The following ACTR1B variants were observed in gnomAD, a reference collection of about 807,000 sequenced individuals.
ACTR1B encodes the protein beta-centractin.
A neutral mutation model predicts 49.4 loss-of-function variants in ACTR1B; 34 were observed. The observed-to-expected ratio is 0.69, with a 90% confidence interval of 0.52 to 0.92. The LOEUF (loss-of-function observed/expected upper bound fraction) is 0.92. Among genes scored for constraint, ACTR1B ranks in the 40% least tolerant of loss-of-function variants. The probability of loss-of-function intolerance (pLI) is 0.00; values close to 1 mark genes in which losing one functional copy is unlikely to be tolerated. For missense variants in ACTR1B, 471 were observed against 522.4 expected, an observed-to-expected ratio of 0.90 and a Z score of 0.96; for synonymous variants, 207 against 207.8, an observed-to-expected ratio of 1.00 and a Z score of 0.03.
chr2:97,658,319 G>T lies in ACTR1B; in HGVS notation c.658-3C>A, dbSNP rs752709465. 4 of 1,614,192 alleles carry T rather than the reference G, an allele frequency of 2.5e-6. No individual in the cohort carries two copies. The highest frequency in any genetic ancestry group is 2.5e-6 in the Non-Finnish European group (3 of 1,180,026). ...TTGATGGACAGGTAGCACGCTCGCTGCGGGGACAGGGACACAGCCCTCAGA... is the reference window on the plus strand; with the variant it reads ...TTGATGGACAGGTAGCACGCTCGCTTCGGGGACAGGGACACAGCCCTCAGA... On this transcript the variant is annotated splice_region_variant and splice_polypyrimidine_tract_variant and intron_variant, in intron 6 of 10. Transcript: ENST00000289228. This position sits in a 1 kb window ranked among gnomAD's most constrained non-coding sequence, Gnocchi z 5.9.
rs1002580055 is a variant in ACTR1B, at chr2:97,658,167, C to T, written c.751-50G>A. On this transcript the variant is annotated intron_variant, in intron 7 of 10. Transcript: ENST00000289228. This position sits in a 1 kb window ranked among gnomAD's most constrained non-coding sequence, Gnocchi z 5.9. The stretch of plus-strand genomic sequence containing the variant: ...ACAGGCTTCCTGGAGAAGCGGGCTA[C>T]CCCTTCCCCCAGGCTGGGCATCGGC... The T allele has an allele frequency of 6.2e-7, 1 of 1,613,318 alleles. No homozygotes were observed. The highest frequency in any genetic ancestry group is 8.5e-7 in the Non-Finnish European group (1 of 1,179,800).
At chr2:97,663,800 C>CG in intron 1 of ACTR1B, 43 bp downstream of exon 1, 2 of 1,313,780 alleles carry the variant, frequency 1.5e-6, no homozygotes. Context: ...CGTGCGCCCC[C>CG]GGGGGCGGGG....
Position 97,663,986 on chromosome 2 carries a change from C to A in ACTR1B, c.-96G>T. ...ACCGGGACGGCGGCGGCTCCCGACG[C>A]GGCGCCGCTGCCCTCCCTCCCCGAG... On this transcript the variant is annotated 5_prime_UTR_variant, in exon 1 of 11. Coordinates refer to ENST00000289228, the MANE Select transcript of ACTR1B (RefSeq NM_005735.4). 2.6e-6 allele frequency: 2 copies of A among 755,462 alleles called. No homozygotes were observed. The highest frequency in any genetic ancestry group is 3.6e-6 in the Non-Finnish European group (2 of 558,708). The allele number at this position is 755,462 out of a possible 1,614,324, so 46.8% of individuals were successfully genotyped here. A position where few individuals can be genotyped will look rare whatever the true frequency, so the allele number is the denominator to read the frequency against.
chr2:97,659,102 TC>T lies in ACTR1B; in HGVS notation c.316-100del, dbSNP rs1456641222. The T allele has an allele frequency of 6.4e-7, 1 of 1,566,694 alleles. No individual in the cohort carries two copies. The highest frequency in any genetic ancestry group is 8.7e-7 in the Non-Finnish European group (1 of 1,147,166). Reference sequence around the variant, plus strand: ...CCACACCCGCTGGCGCACAGGCAGCTCAGCCTCCTACCCCTCCTGAGGGCCC... The same window carrying T: ...CCACACCCGCTGGCGCACAGGCAGCTAGCCTCCTACCCCTCCTGAGGGCCC... On this transcript the variant is annotated intron_variant, in intron 4 of 10. Transcript: ENST00000289228. This position sits in a 1 kb window ranked among gnomAD's most constrained non-coding sequence, Gnocchi z 4.0.
Position 97,659,134 on chromosome 2 carries a change from C to T in ACTR1B, c.316-131G>A, listed in dbSNP as rs1674943833. 4.7e-6 allele frequency: 7 copies of T among 1,483,318 alleles called. No homozygotes were observed. The allele number at this position is 1,483,318 out of a possible 1,614,324, so 91.9% of individuals were successfully genotyped here. A position where few individuals can be genotyped will look rare whatever the true frequency, so the allele number is the denominator to read the frequency against. On this transcript the variant is annotated intron_variant, in intron 4 of 10. Transcript: ENST00000289228. This position sits in a 1 kb window ranked among gnomAD's most constrained non-coding sequence, Gnocchi z 4.0. ...CCTACCCCTCCTGAGGGCCCCATCCCTTTATCTGCTGGCAGTTACTCTTCC... is the reference window on the plus strand; with the variant it reads ...CCTACCCCTCCTGAGGGCCCCATCCTTTTATCTGCTGGCAGTTACTCTTCC...
intron 3 of ACTR1B, 113 bp downstream of exon 3, chr2:97,660,458 C>G: frequency 9.3e-7 from 1 of 1,070,176 alleles, no homozygotes; most frequent in Non-Finnish European, 1.4e-6. Flanking sequence ...CACTTCCCAG[C>G]TGGAGCCTGG....
intron 2 of ACTR1B, 88 bp from the exon 3 acceptor site, chr2:97,660,734 A>G: frequency 7.5e-7 from 1 of 1,333,584 alleles, no homozygotes; most frequent in Non-Finnish European, 1.1e-6. Flanking sequence ...ATAGTCGCCC[A>G]GAGGGTACCT....
rs745755544 is a variant in ACTR1B at position 97,658,982 on chromosome 2, C to G, written c.337G>C (p.Ala113Pro). ...SEEHPVLLTE[A>P]PLNPSKNREK... ...CGGTTCTTACTCGGGTTGAGCGGGG[C>G]CTCCGTGAGGAGCACAGGATGCTGC... The change falls in exon 5 of 11, where the codon GCC becomes CCC. Residue 113 changes from alanine to proline, a missense_variant. Ala to Pro is a conservative substitution (Grantham distance 27, BLOSUM62 -1). Transcript: ENST00000289228. The surrounding 1 kb of genome is among the most constrained non-coding windows in gnomAD (Gnocchi z 5.9). The G allele has an allele frequency of 1.2e-6, 2 of 1,614,098 alleles. No individual in the cohort carries two copies. The highest frequency in any genetic ancestry group is 1.7e-6 in the Non-Finnish European group (2 of 1,180,022).
intron 1 of ACTR1B, among the ~76,000 whole-genome samples, chr2:97,663,290 G>A (rs1365737037): frequency 6.6e-6 from 1 of 152,216 alleles, no homozygotes; most frequent in East Asian, 1.9e-4. Context: ...GCTGTGGAAT[G>A]TTTGCTCAGC....
intron 2 of ACTR1B, among the ~76,000 whole-genome samples, chr2:97,661,058 C>G (rs60599690): frequency 0.042 from 6,332 of 152,328 alleles, 429 homozygotes; most frequent in African/African-American, 0.14. Context: ...GCACCCTGCT[C>G]TCACTCAGTC....
Position 97,659,097 on chromosome 2 carries a change from G to A in ACTR1B, c.316-94C>T, listed in dbSNP as rs530125632. 24 of 1,578,628 alleles carry A rather than the reference G, an allele frequency of 1.5e-5. No individual in the cohort carries two copies. In the East Asian group the frequency reaches 4.3e-4, roughly 28 times the overall value. On this transcript the variant is annotated intron_variant, in intron 4 of 10. Transcript: ENST00000289228. The surrounding 1 kb of genome is among the most constrained non-coding windows in gnomAD (Gnocchi z 4.0). Reference sequence around the variant, plus strand: ...GAGAACCACACCCGCTGGCGCACAGGCAGCTCAGCCTCCTACCCCTCCTGA... The same window carrying A: ...GAGAACCACACCCGCTGGCGCACAGACAGCTCAGCCTCCTACCCCTCCTGA...
In ACTR1B at chr2:97,658,464, G is replaced by A; in HGVS notation, c.620C>T (p.Thr207Ile). 1.2e-6 allele frequency: 2 copies of A among 1,614,158 alleles called. No individual in the cohort carries two copies. Among genetic ancestry groups the A allele is most frequent in the South Asian group, 2.2e-5 (2 of 91,082 alleles). ...LLRKEGVDFH[T>I]SAEFEVVRTI... ...CCGGACAACCTCAAACTCAGCCGAG[G>A]TATGGAAGTCAACCCCTTCCTTGCG... The change falls in exon 6 of 11, where the codon ACC (threonine) becomes ATC (isoleucine). Residue 207 changes from threonine (T) to isoleucine (I), a missense_variant. Physicochemically the swap from Thr to Ile is moderately conservative, Grantham distance 89 (BLOSUM62 -1). Transcript: ENST00000289228. This position sits in a 1 kb window ranked among gnomAD's most constrained non-coding sequence, Gnocchi z 5.9.
chr2:97,656,004 GTTT>G lies in ACTR1B; in HGVS notation c.*851_*853del, dbSNP rs1000524736. On this transcript the variant is annotated 3_prime_UTR_variant, in exon 11 of 11. Coordinates refer to ENST00000289228, the MANE Select transcript of ACTR1B (RefSeq NM_005735.4). ...ATTATTACTATAATGATTTACAAAA[GTTT>G]TTTTCAGGCAACCGTGTTAAATTAT... 1.3e-5 allele frequency: 2 copies of G among 152,212 alleles called. No homozygotes were observed. The highest frequency in any genetic ancestry group is 4.8e-5 in the African/African-American group (2 of 41,464). The allele number at this position is 152,212 out of a possible 1,614,324, so 9.4% of individuals were successfully genotyped here.
chr2:97,657,525 T>C lies in ACTR1B; in HGVS notation c.926-16A>G, dbSNP rs1674876378. ...TCTCCGAAGCCTGTGAACACAAAGC[T>C]GGCTGAGCCTGGGGTCTGCACCCGG... is the stretch of plus-strand genomic sequence containing the variant. On this transcript the variant is annotated splice_polypyrimidine_tract_variant and intron_variant, in intron 8 of 10. Coordinates refer to ENST00000289228, the MANE Select transcript of ACTR1B (RefSeq NM_005735.4). 6.2e-7 allele frequency: 1 copy of C among 1,614,184 alleles called. No homozygotes were observed. The highest frequency in any genetic ancestry group is 1.1e-5 in the South Asian group (1 of 91,086).
rs1452752702 is a variant in ACTR1B, at chr2:97,656,910, T to C, written c.1079A>G (p.Lys360Arg). 5 of 1,596,440 alleles carry C rather than the reference T, an allele frequency of 3.1e-6. No homozygotes were observed. The highest frequency in any genetic ancestry group is 4.3e-6 in the Non-Finnish European group (5 of 1,171,458). The part of the protein sequence containing the change: ...LDTFKKMWVS[K>R]KEYEEDGSRA... ...GGAGCCATCCTCTTCATACTCCTTT[T>C]TGGACACCCACATCTTCTTAAAAGT... is the stretch of plus-strand genomic sequence containing the variant. The change falls in exon 11 of 11, where the codon AAA (lysine) becomes AGA (arginine). Residue 360 changes from lysine (K) to arginine (R), a missense_variant. Coordinates refer to ENST00000289228, the MANE Select transcript of ACTR1B (RefSeq NM_005735.4).
chr2:97,657,403 G>A (rs2104496743), intron 9 of ACTR1B, 45 bp downstream of exon 9: 7 of 1,605,198 alleles, frequency 4.4e-6, no homozygotes, highest in Non-Finnish European at 6.0e-6. Flanking sequence ...CCATGCCAAG[G>A]CTGCCAGCGC....
At position 97,658,281 on chromosome 2, in the gene ACTR1B, A is replaced by T; in HGVS notation, c.693T>A (p.Asp231Glu). 1.9e-6 allele frequency: 3 copies of T among 1,614,160 alleles called. No individual in the cohort carries two copies. ...ACYLSINPQK[D>E]EALETEKVQY... ...GCACCTTCTCCGTCTCCAGAGCCTC[A>T]TCCTTCTGTGGGTTGATGGACAGGT... is the stretch of plus-strand genomic sequence containing the variant. The change falls in exon 7 of 11, where the codon GAT (aspartate) becomes GAA (glutamate). Residue 231 changes from aspartate (D) to glutamate (E), a missense_variant. By Grantham distance (45) the Asp-to-Glu change is conservative. Coordinates refer to ENST00000289228, the MANE Select transcript of ACTR1B (RefSeq NM_005735.4). This position sits in a 1 kb window ranked among gnomAD's most constrained non-coding sequence, Gnocchi z 5.9.
chr2:97,660,599 C>T lies in ACTR1B; in HGVS notation c.161G>A (p.Gly54Glu). Residue 54 changes from glycine to glutamate, a missense_variant, in exon 3 of 11, where the codon GGG (glycine) becomes GAG (glutamate). Coordinates refer to ENST00000289228, the MANE Select transcript of ACTR1B (RefSeq NM_005735.4). Reference protein sequence around the residue: ...HMRVMAGALEGDLFIGPKAEE... With the variant: ...HMRVMAGALEEDLFIGPKAEE... ...TGCTTTTGGTCCGATGAAGAGGTCC[C>T]CCTCCAGGGCTCCAGCCATCACCCG... 1 of 1,614,096 alleles carries T rather than the reference C, an allele frequency of 6.2e-7. No individual in the cohort carries two copies. Among genetic ancestry groups the T allele is most frequent in the African/African-American group, 1.3e-5 (1 of 75,072 alleles).
Position 97,656,030 on chromosome 2 carries a change from T to C in ACTR1B, c.*828A>G, listed in dbSNP as rs1674826162. 1 of 152,210 alleles carries C rather than the reference T, an allele frequency of 6.6e-6. No homozygotes were observed. Among genetic ancestry groups the C allele is most frequent in the Non-Finnish European group, 1.5e-5 (1 of 68,032 alleles). The allele number at this position is 152,210 out of a possible 1,614,324, so 9.4% of individuals were successfully genotyped here. A position where few individuals can be genotyped will look rare whatever the true frequency, so the allele number is the denominator to read the frequency against. The stretch of plus-strand genomic sequence containing the variant: ...TTTTTTTCAGGCAACCGTGTTAAAT[T>C]ATTGTACATATCTGAGAGAGGGAGG... On this transcript the variant is annotated 3_prime_UTR_variant, in exon 11 of 11. Coordinates refer to ENST00000289228, the MANE Select transcript of ACTR1B (RefSeq NM_005735.4).
Sources: allele counts gnomAD v4.1 joint callset (sites outside exome capture counted in the v4.1 genomes callset), GRCh38; gene constraint gnomAD v4.1.1; non-coding constraint Gnocchi (gnomAD v3.1); transcripts MANE v1.5; gene names NCBI Gene and HGNC (gene_info 2026-07-23, HGNC 2026-07-21).